The following NXPH2 variants were observed in gnomAD, a reference collection of about 807,000 sequenced individuals.
NXPH2 encodes the protein neurexophilin-2.
In NXPH2, 5 loss-of-function variants were observed where a neutral mutation model predicts 19.8. The ratio of observed to expected loss-of-function variants is 0.25; its 90% confidence interval spans 0.13 to 0.53. NXPH2 has a LOEUF of 0.53. NXPH2 is among the 20% of genes least tolerant of loss of function. NXPH2 has a pLI of 0.96. For synonymous variants in NXPH2, 154 were observed against 127.4 expected, an observed-to-expected ratio of 1.21 and a Z score of -1.41; for missense variants, 289 against 322.8, an observed-to-expected ratio of 0.90 and a Z score of 0.80.
intron 1 of NXPH2, among the ~76,000 whole-genome samples, chr2:138,769,487 C>G (rs1178869208): frequency 2.0e-5 from 3 of 152,016 alleles, no homozygotes; most frequent in Non-Finnish European, 2.9e-5. Flanking sequence ...GAAAAGGATG[C>G]CAAAAGAGTC....
intron 1 of NXPH2, among the ~76,000 whole-genome samples, chr2:138,733,043 C>T (rs1681475972): frequency 6.6e-6 from 1 of 152,300 alleles, no homozygotes; most frequent in East Asian, 1.9e-4. Context: ...ATGCACAAAT[C>T]CTTCAAATGC....
chr2:138,739,473 A>G (rs1408489020), intron 1 of NXPH2, among the ~76,000 whole-genome samples: 2 of 152,184 alleles, frequency 1.3e-5, no homozygotes, highest in Admixed American at 6.5e-5. Flanking sequence ...TAGAATATGG[A>G]ATGACCTAAG....
intron 1 of NXPH2, among the ~76,000 whole-genome samples, chr2:138,708,417 C>T (rs1196857088): frequency 6.6e-6 from 1 of 152,128 alleles, no homozygotes; most frequent in Non-Finnish European, 1.5e-5. Context: ...TATTGATTGC[C>T]TAAATCTAAA....
chr2:138,671,328 A>G lies in NXPH2; in HGVS notation c.389T>C (p.Ile130Thr), dbSNP rs1680410722. 6.2e-7 allele frequency: 1 copy of G among 1,613,850 alleles called. No homozygotes were observed. Among genetic ancestry groups the G allele is most frequent in the Non-Finnish European group, 8.5e-7 (1 of 1,179,804 alleles). ...NIKTVKLNLL[I>T]TGKIVDHGNG... is the part of the protein sequence containing the mutation. The stretch of plus-strand genomic sequence containing the variant: ...TCCATGGTCAACAATTTTCCCTGTG[A>G]TGAGGAGATTGAGTTTGACAGTTTT... The change falls in exon 2 of 2, where the codon ATC (isoleucine) becomes ACC (threonine). Residue 130 changes from isoleucine (I) to threonine (T), a missense_variant. Physicochemically the swap from Ile to Thr is moderately conservative, Grantham distance 89. Transcript: ENST00000272641.
At chr2:138,753,031 T>G (rs775432192) in intron 1 of NXPH2, among the ~76,000 whole-genome samples, 25 of 152,168 alleles carry the variant, frequency 1.6e-4, no homozygotes, top group Non-Finnish European at 1.5e-5. Flanking sequence ...TGTTTCCCCT[T>G]TTCATACGGT....
At chr2:138,697,509 T>A (rs1680846465) in intron 1 of NXPH2, among the ~76,000 whole-genome samples, 1 of 152,158 alleles carries the variant, frequency 6.6e-6, no homozygotes, top group Non-Finnish European at 1.5e-5. Context: ...TACTTAATAA[T>A]GTGAAAAATA....
At chr2:138,700,005 T>A (rs1573958766) in intron 1 of NXPH2, among the ~76,000 whole-genome samples, 3 of 152,290 alleles carry the variant, frequency 2.0e-5, no homozygotes, top group Admixed American at 2.0e-4. Context: ...CTGTGCTGTT[T>A]GAGGGCGTCA....
chr2:138,698,665 G>A (rs1343892391), intron 1 of NXPH2, among the ~76,000 whole-genome samples: 2 of 151,992 alleles, frequency 1.3e-5, no homozygotes, highest in Non-Finnish European at 2.9e-5. Flanking sequence ...GGTCAACCTG[G>A]GCAAGATGGC....
intron 1 of NXPH2, among the ~76,000 whole-genome samples, chr2:138,777,457 G>C (rs1682282503): frequency 6.6e-6 from 1 of 152,100 alleles, no homozygotes; most frequent in African/African-American, 2.4e-5. Context: ...GGACAGGTAA[G>C]AGACATACAT....
At chr2:138,705,649 T>TAACTATCTCCCAAGGGAACC (rs1680997039) in intron 1 of NXPH2, among the ~76,000 whole-genome samples, 2 of 152,208 alleles carry the variant, frequency 1.3e-5, no homozygotes, top group African/African-American at 4.8e-5. Flanking sequence ...GACAGGGAGC[T>TAACTATCTCCCAAGGGAACC]AACTATCTCC....
intron 1 of NXPH2, among the ~76,000 whole-genome samples, chr2:138,678,905 G>A (rs1214231864): frequency 6.6e-6 from 1 of 152,038 alleles, no homozygotes; most frequent in Non-Finnish European, 1.5e-5. Context: ...TTTATCAAAG[G>A]GAAGGGAGCT....
intron 1 of NXPH2, among the ~76,000 whole-genome samples, chr2:138,686,650 C>A (rs1412812280): frequency 1.3e-5 from 2 of 152,104 alleles, no homozygotes; most frequent in Non-Finnish European, 2.9e-5. Context: ...GTGCTGCACC[C>A]ATTAACTCGT....
chr2:138,766,179 T>C (rs183259966), intron 1 of NXPH2, among the ~76,000 whole-genome samples: 56 of 152,312 alleles, frequency 3.7e-4, no homozygotes, highest in Middle Eastern at 6.8e-3. Context: ...AGATATTGGT[T>C]GAACTGAATA....
At chr2:138,727,028 A>G (rs1681370741) in intron 1 of NXPH2, among the ~76,000 whole-genome samples, 1 of 152,214 alleles carries the variant, frequency 6.6e-6, no homozygotes. Flanking sequence ...GGAATCATAT[A>G]GTAGAATGTA....
intron 1 of NXPH2, among the ~76,000 whole-genome samples, chr2:138,719,106 A>G (rs1681238507): frequency 6.6e-6 from 1 of 152,212 alleles, no homozygotes; most frequent in African/African-American, 2.4e-5. Flanking sequence ...TTTTTGATTA[A>G]CAAGCTCCTT....
Position 138,736,066 on chromosome 2 carries a change from G to T in NXPH2, c.51+44125C>A, listed in dbSNP as rs554597729. On this transcript the variant is annotated intron_variant, in intron 1 of 1. Coordinates refer to ENST00000272641, the MANE Select transcript of NXPH2 (RefSeq NM_007226.3). Reference sequence around the variant, plus strand: ...CAGCCTCCCTCCCAGCTGCTTTCACGGTCTGGCATTGAGTGTCTGTGGCTT... The same window carrying T: ...CAGCCTCCCTCCCAGCTGCTTTCACTGTCTGGCATTGAGTGTCTGTGGCTT... 7.2e-5 allele frequency among the ~76,000 whole-genome samples: 11 copies of T among 152,290 alleles called. No homozygotes were observed. In the East Asian group the frequency reaches 2.1e-3, roughly 29 times the overall value.
At chr2:138,776,458 G>A (rs1162608803) in intron 1 of NXPH2, among the ~76,000 whole-genome samples, 1 of 151,898 alleles carries the variant, frequency 6.6e-6, no homozygotes, top group African/African-American at 2.4e-5. Context: ...ATAAACCAAG[G>A]GAATACAACT....
At chr2:138,696,591 G>A (rs562316379) in intron 1 of NXPH2, among the ~76,000 whole-genome samples, 95 of 152,250 alleles carry the variant, frequency 6.2e-4, no homozygotes, top group African/African-American at 2.3e-3. Flanking sequence ...TAAAAAGACT[G>A]GCAGTATCAA....
intron 1 of NXPH2, among the ~76,000 whole-genome samples, chr2:138,734,669 G>T (rs1047325010): frequency 6.6e-6 from 1 of 152,212 alleles, no homozygotes; most frequent in South Asian, 2.1e-4. Context: ...AGTGATGAGA[G>T]ATTTTGAAGA....
Sources: gnomAD v4.1 joint callset for allele counts (sites outside exome capture counted in the v4.1 genomes callset) on GRCh38, gnomAD v4.1.1 for gene constraint, MANE v1.5 for transcripts, NCBI Gene and HGNC (gene_info 2026-07-23, HGNC 2026-07-21) for gene names.